NUDT3: variants seen among roughly 807,000 people sequenced by gnomAD.
NUDT3 encodes the protein nudix hydrolase 3.
NUDT3 carries 9 observed loss-of-function variants against 23.6 expected under a neutral mutation model. That is an observed-to-expected ratio of 0.38 (90% CI 0.23 to 0.66). The LOEUF (loss-of-function observed/expected upper bound fraction) is 0.66. NUDT3 is among the 30% of genes least tolerant of loss of function. The probability of loss-of-function intolerance (pLI) is 0.52; values close to 1 mark genes in which losing one functional copy is unlikely to be tolerated. For synonymous variants in NUDT3, 86 were observed against 82.6 expected (o/e 1.04, Z -0.22); for missense variants, 172 against 218.5 (o/e 0.79, Z 1.34).
rs149818496 is a variant in NUDT3 at position 34,293,883 on chromosome 6, G to A, written c.256-348C>T. ...CTGTGGATGGGTGGGCTACCACAGAGGTCTCAAACTTCAGTGACCCCAGCA... is the reference window on the plus strand; with the variant it reads ...CTGTGGATGGGTGGGCTACCACAGAAGTCTCAAACTTCAGTGACCCCAGCA... On this transcript the variant is annotated intron_variant, in intron 3 of 4. Coordinates refer to ENST00000607016, the MANE Select transcript of NUDT3 (RefSeq NM_006703.4). Among the ~76,000 whole-genome samples the A allele has an allele frequency of 1.1e-3, 163 of 152,238 alleles. 2 individuals carry two copies. The East Asian group carries it at 0.027, about 25-fold the overall frequency.
intron 1 of NUDT3, among the ~76,000 whole-genome samples, chr6:34,351,887 T>C (rs974371955): frequency 4.6e-5 from 7 of 151,922 alleles, no homozygotes; most frequent in South Asian, 2.1e-4. Flanking sequence ...CTTTAAAACC[T>C]TGAGTATGGC....
At chr6:34,335,015 TAC>T (rs755867624) in intron 2 of NUDT3, among the ~76,000 whole-genome samples, 3 of 149,894 alleles carry the variant, frequency 2.0e-5, no homozygotes, top group African/African-American at 4.9e-5. Flanking sequence ...GAAGGAAGAC[TAC>T]ACAGAGTATA....
intron 2 of NUDT3, among the ~76,000 whole-genome samples, chr6:34,302,174 G>A (rs1050679017): frequency 3.3e-5 from 5 of 151,756 alleles, no homozygotes; most frequent in African/African-American, 1.2e-4. Context: ...TGGGACTACA[G>A]GCACGTGCCA....
intron 2 of NUDT3, among the ~76,000 whole-genome samples, chr6:34,304,716 G>C (rs1763652205): frequency 6.6e-6 from 1 of 151,118 alleles, no homozygotes; most frequent in South Asian, 2.1e-4. Context: ...CTGGAGTGCA[G>C]TGGCGCAGAT....
chr6:34,300,376 G>A (rs1561899886), intron 2 of NUDT3, among the ~76,000 whole-genome samples: 1 of 152,184 alleles, frequency 6.6e-6, no homozygotes, highest in Non-Finnish European at 1.5e-5. Context: ...TGCTACCAGG[G>A]AGACCCAGAT....
intron 1 of NUDT3, among the ~76,000 whole-genome samples, chr6:34,369,046 G>T (rs571964680): frequency 2.6e-5 from 4 of 152,298 alleles, no homozygotes; most frequent in African/African-American, 9.6e-5. Flanking sequence ...TTTTGAATTA[G>T]TTCTATACTG....
chr6:34,356,702 A>AG (rs545417641), intron 1 of NUDT3, among the ~76,000 whole-genome samples: 12 of 149,614 alleles, frequency 8.0e-5, no homozygotes, highest in East Asian at 3.9e-4. Flanking sequence ...TGACAAACTG[A>AG]GGGGGAAAAA....
rs929209626 is a variant in NUDT3 at position 34,283,930 on chromosome 6, A to G, written c.*4823T>C. On this transcript the variant is annotated 3_prime_UTR_variant, in exon 5 of 5. Coordinates refer to ENST00000607016, the MANE Select transcript of NUDT3 (RefSeq NM_006703.4). ...CTCCGGATGGTGAAGTCTCCGCTGCAAAACTCACGAAACAGCACAGAGGAT... is the reference window on the plus strand; with the variant it reads ...CTCCGGATGGTGAAGTCTCCGCTGCGAAACTCACGAAACAGCACAGAGGAT... The G allele has an allele frequency of 3.5e-4, 54 of 152,230 alleles. No individual in the cohort carries two copies. Among genetic ancestry groups the G allele is most frequent in the African/African-American group, 1.1e-3 (46 of 41,460 alleles). The allele number at this position is 152,230 out of a possible 1,614,324, so 9.4% of individuals were successfully genotyped here. A position where few individuals can be genotyped will look rare whatever the true frequency, so the allele number is the denominator to read the frequency against.
At chr6:34,391,448 G>A (rs1033660215) in intron 1 of NUDT3, among the ~76,000 whole-genome samples, 17 of 152,120 alleles carry the variant, frequency 1.1e-4, no homozygotes, top group African/African-American at 3.9e-4. Context: ...GCTTTGGGAA[G>A]CCGAGATTTT....
At chr6:34,369,861 T>C (rs1764799683) in intron 1 of NUDT3, among the ~76,000 whole-genome samples, 1 of 152,182 alleles carries the variant, frequency 6.6e-6, no homozygotes, top group Non-Finnish European at 1.5e-5. Flanking sequence ...GAGACCCTAA[T>C]CCTGACCTCT....
At chr6:34,313,581 G>A (rs536371172) in intron 2 of NUDT3, among the ~76,000 whole-genome samples, 2 of 151,992 alleles carry the variant, frequency 1.3e-5, no homozygotes, top group African/African-American at 4.8e-5. Context: ...TTGATAATGG[G>A]GGCTATGCAC....
chr6:34,317,090 G>A (rs1282951900), intron 2 of NUDT3, among the ~76,000 whole-genome samples: 4 of 152,112 alleles, frequency 2.6e-5, no homozygotes, highest in Non-Finnish European at 1.5e-5. Flanking sequence ...TGTAAGAAAA[G>A]AACAAAAATC....
At chr6:34,327,528 CAAAAAAA>C (rs60757572) in intron 2 of NUDT3, among the ~76,000 whole-genome samples, 1 of 94,124 alleles carries the variant, frequency 1.1e-5, no homozygotes, top group African/African-American at 3.9e-5. Context: ...GACTCCGCCT[CAAAAAAA>C]AAAAAAAAAG....
At chr6:34,362,204 T>C (rs1341537336) in intron 1 of NUDT3, among the ~76,000 whole-genome samples, 1 of 152,168 alleles carries the variant, frequency 6.6e-6, no homozygotes, top group Non-Finnish European at 1.5e-5. Flanking sequence ...TATATACACA[T>C]ACACACACAT....
intron 1 of NUDT3, among the ~76,000 whole-genome samples, chr6:34,373,472 C>G (rs779232553): frequency 6.6e-6 from 1 of 151,952 alleles, no homozygotes; most frequent in Non-Finnish European, 1.5e-5. Flanking sequence ...TGGAGCACCA[C>G]GTAGGCACCA....
intron 2 of NUDT3, among the ~76,000 whole-genome samples, chr6:34,328,627 T>A (rs1484202013): frequency 1.3e-5 from 2 of 152,038 alleles, no homozygotes; most frequent in Non-Finnish European, 2.9e-5. Flanking sequence ...GCTCAAGCAA[T>A]CCTCCCTCCT....
At chr6:34,303,835 T>C (rs1763635237) in intron 2 of NUDT3, among the ~76,000 whole-genome samples, 1 of 152,200 alleles carries the variant, frequency 6.6e-6, no homozygotes, top group African/African-American at 2.4e-5. Context: ...GGAACATAGC[T>C]GTGTCATTCG....
chr6:34,304,720 C>T lies in NUDT3; in HGVS notation c.211-9035G>A, dbSNP rs139758095. Among the ~76,000 whole-genome samples the T allele has an allele frequency of 1.7e-4, 26 of 150,832 alleles. No homozygotes were observed. The East Asian group carries it at 4.3e-3, about 25-fold the overall frequency. ...TGTCTCCCAGTCTGGAGTGCAGTGG[C>T]GCAGATCATGGCTCACTGCAGCCTT... On this transcript the variant is annotated intron_variant, in intron 2 of 4. Transcript: ENST00000607016.
rs747395432 is a variant in NUDT3, at chr6:34,392,386, G to T, written c.-24C>A. The T allele has an allele frequency of 1.3e-6, 2 of 1,581,284 alleles. No individual in the cohort carries two copies. The highest frequency in any genetic ancestry group is 1.7e-6 in the Non-Finnish European group (2 of 1,164,020). Reference sequence around the variant, plus strand: ...ATCCTCCGGGCCCGGGTGGGGGTGCGGTGCGGGTCGCAGGAGTCGAGGGGT... The same window carrying T: ...ATCCTCCGGGCCCGGGTGGGGGTGCTGTGCGGGTCGCAGGAGTCGAGGGGT... On this transcript the variant is annotated 5_prime_UTR_variant, in exon 1 of 5. Coordinates refer to ENST00000607016, the MANE Select transcript of NUDT3 (RefSeq NM_006703.4).
Sources: allele counts gnomAD v4.1 joint callset (sites outside exome capture counted in the v4.1 genomes callset), GRCh38; gene constraint gnomAD v4.1.1; transcripts MANE v1.5; gene names NCBI Gene and HGNC (gene_info 2026-07-23, HGNC 2026-07-21).